Variants in LRRC20 observed in about 807,000 individuals in gnomAD.
LRRC20 encodes leucine rich repeat containing 20, also known as leucine-rich repeat-containing protein 20.
A neutral mutation model predicts 14.4 loss-of-function variants in LRRC20; 11 were observed. That is an observed-to-expected ratio of 0.77 (90% CI 0.48 to 1.27). The LOEUF is 1.27. Ranked by LOEUF, LRRC20 falls within the 50% of genes most tolerant of loss-of-function variation. The probability of loss-of-function intolerance (pLI) is 0.00; values close to 1 mark genes in which losing one functional copy is unlikely to be tolerated. For synonymous variants in LRRC20, 121 were observed against 107.3 expected (o/e 1.13, Z -0.79); for missense variants, 219 against 251.2 (o/e 0.87, Z 0.87).
intron 3 of LRRC20, among the ~76,000 whole-genome samples, chr10:70,332,279 G>A (rs1589077087): frequency 6.6e-6 from 1 of 152,242 alleles, no homozygotes; most frequent in East Asian, 1.9e-4. Context: ...CAAGGGGAAG[G>A]GCAGAAAAAG....
chr10:70,335,446 C>T (rs1242611826), intron 3 of LRRC20, among the ~76,000 whole-genome samples: 1 of 152,252 alleles, frequency 6.6e-6, no homozygotes, highest in Non-Finnish European at 1.5e-5. Context: ...CCCTGCCCTG[C>T]AGCAGCCCCA....
chr10:70,377,229 T>A (rs1172890205), intron 1 of LRRC20, among the ~76,000 whole-genome samples: 1 of 152,118 alleles, frequency 6.6e-6, no homozygotes. Context: ...CAGACCTGAT[T>A]ATCAGCCTGA....
At chr10:70,376,959 A>C (rs1181748791) in intron 1 of LRRC20, among the ~76,000 whole-genome samples, 1 of 152,224 alleles carries the variant, frequency 6.6e-6, no homozygotes, top group African/African-American at 2.4e-5. Flanking sequence ...GGTAGGGCGC[A>C]GCCAACTGCA....
intron 3 of LRRC20, 142 bp downstream of exon 3, chr10:70,340,411 C>G (rs1842869746): frequency 1.0e-6 from 1 of 953,226 alleles, no homozygotes; most frequent in Non-Finnish European, 1.6e-6. Flanking sequence ...AACACAGGTC[C>G]ATTTTCAAAG....
At chr10:70,348,442 G>A (rs1843160675) in intron 2 of LRRC20, among the ~76,000 whole-genome samples, 1 of 152,218 alleles carries the variant, frequency 6.6e-6, no homozygotes, top group Non-Finnish European at 1.5e-5. Context: ...CACGGGGGAT[G>A]GGAATAATAA....
chr10:70,380,619 G>A (rs1844666573), intron 1 of LRRC20, among the ~76,000 whole-genome samples: 1 of 152,220 alleles, frequency 6.6e-6, no homozygotes, highest in African/African-American at 2.4e-5. Context: ...AGGCAATAGA[G>A]GGTAGGCCTT....
intron 2 of LRRC20, among the ~76,000 whole-genome samples, chr10:70,340,971 G>C (rs773091426): frequency 1.3e-5 from 2 of 152,156 alleles, no homozygotes; most frequent in Non-Finnish European, 2.9e-5. Flanking sequence ...AGCCAGAATC[G>C]TGTCTGCCGG....
At chr10:70,361,635 G>T (rs2894122) in intron 2 of LRRC20, among the ~76,000 whole-genome samples, 83,007 of 151,936 alleles carry the variant, frequency 0.55, 23,794 homozygotes, top group Non-Finnish European at 0.63. Flanking sequence ...GGGAAAGGAC[G>T]ATCAAGGTGG....
chr10:70,337,518 C>T (rs7077495), intron 3 of LRRC20, among the ~76,000 whole-genome samples: 2,324 of 152,326 alleles, frequency 0.015, 61 homozygotes, highest in African/African-American at 0.052. Context: ...GAAGGTGCTA[C>T]GTAAATACAT....
chr10:70,336,857 G>C (rs1333150519), intron 3 of LRRC20, among the ~76,000 whole-genome samples: 1 of 152,158 alleles, frequency 6.6e-6, no homozygotes, highest in Non-Finnish European at 1.5e-5. Context: ...TCACTAAAAA[G>C]AGCTAAGACT....
chr10:70,318,470 C>T (rs1841953967), intron 4 of LRRC20, among the ~76,000 whole-genome samples: 1 of 152,176 alleles, frequency 6.6e-6, no homozygotes, highest in African/African-American at 2.4e-5. Flanking sequence ...AAAAGTGCCG[C>T]TAGCCAGGTA....
At chr10:70,359,499 C>G (rs11597986) in intron 2 of LRRC20, among the ~76,000 whole-genome samples, 2 of 152,178 alleles carry the variant, frequency 1.3e-5, no homozygotes, top group Non-Finnish European at 2.9e-5. Context: ...CAAGATCATG[C>G]CACCACACCT....
intron 3 of LRRC20, among the ~76,000 whole-genome samples, chr10:70,337,958 C>T (rs1331444952): frequency 6.6e-6 from 1 of 152,170 alleles, no homozygotes; most frequent in Non-Finnish European, 1.5e-5. Flanking sequence ...CGGACAGCCC[C>T]ACCCTCCATT....
chr10:70,372,591 G>A (rs183956446), intron 2 of LRRC20, among the ~76,000 whole-genome samples: 133 of 151,824 alleles, frequency 8.8e-4, no homozygotes, highest in African/African-American at 2.4e-3. Flanking sequence ...ACAGGTGCCC[G>A]CCACCACGCC....
rs77594510 is a variant in LRRC20, at chr10:70,316,941, G to A, written c.400+6922C>T. On this transcript the variant is annotated intron_variant, in intron 4 of 4. Transcript: ENST00000446961. ...CATGCAGGCAAGAAGCTACCACCTCGGAGGGCAAGTCATCCTGTCATGGGA... is the reference window on the plus strand; with the variant it reads ...CATGCAGGCAAGAAGCTACCACCTCAGAGGGCAAGTCATCCTGTCATGGGA... Among the ~76,000 whole-genome samples the A allele has an allele frequency of 8.6e-3, 1,317 of 152,334 alleles. 20 individuals are homozygous for A. The highest frequency in any genetic ancestry group is 0.03 in the African/African-American group (1,266 of 41,568).
intron 1 of LRRC20, among the ~76,000 whole-genome samples, chr10:70,377,541 TAGAG>T (rs900737561): frequency 6.6e-6 from 1 of 151,890 alleles, no homozygotes; most frequent in Non-Finnish European, 1.5e-5. Context: ...CAGCACCCCA[TAGAG>T]AGAGGAATGA....
chr10:70,302,540 G>A (rs1435884065), intron 4 of LRRC20, among the ~76,000 whole-genome samples: 1 of 152,096 alleles, frequency 6.6e-6, no homozygotes, highest in Admixed American at 6.6e-5. Context: ...AGCGGTGATG[G>A]TTGCGCAACA....
intron 4 of LRRC20, among the ~76,000 whole-genome samples, chr10:70,317,129 G>A (rs573644850): frequency 2.0e-4 from 31 of 152,358 alleles, no homozygotes; most frequent in African/African-American, 7.5e-4. Flanking sequence ...AAGTGCCACA[G>A]GTTTGACATT....
chr10:70,366,084 A>AAC (rs1564643926), intron 2 of LRRC20, among the ~76,000 whole-genome samples: 1 of 144,678 alleles, frequency 6.9e-6, no homozygotes, highest in Non-Finnish European at 1.5e-5. Context: ...AAAAAAAAAA[A>AAC]AACAACAACA....
Sources: allele counts gnomAD v4.1 joint callset (sites outside exome capture counted in the v4.1 genomes callset), GRCh38; gene constraint gnomAD v4.1.1; transcripts MANE v1.5; gene names NCBI Gene and HGNC (gene_info 2026-07-23, HGNC 2026-07-21).